The following AGPAT3 variants were observed in gnomAD, a reference collection of about 807,000 sequenced individuals.
AGPAT3 encodes the protein 1-acyl-sn-glycerol-3-phosphate acyltransferase gamma.
Under a neutral mutation model 47.3 loss-of-function variants are expected in AGPAT3, and 5 were observed. That is an observed-to-expected ratio of 0.11 (90% CI 0.06 to 0.22). AGPAT3 has a LOEUF of 0.22. Among genes scored for constraint, AGPAT3 ranks in the 10% least tolerant of loss-of-function variants. AGPAT3 has a pLI of 1.00. For missense variants in AGPAT3, 315 were observed against 493.0 expected, an observed-to-expected ratio of 0.64 and a Z score of 3.42; for synonymous variants, 212 against 208.3, an observed-to-expected ratio of 1.02 and a Z score of -0.15.
At chr21:43,946,781 G>T (rs2087910557) in intron 2 of AGPAT3, 1 of 152,334 alleles carries the variant, frequency 6.6e-6, no homozygotes, top group South Asian at 2.1e-4. Flanking sequence ...GTATGTGTGT[G>T]TGTGTACATG....
chr21:43,922,267 C>T lies in AGPAT3; in HGVS notation c.-49+18248C>T, dbSNP rs2146201644. On this transcript the variant is annotated intron_variant, in intron 2 of 9. Transcript: ENST00000291572. The surrounding 1 kb of genome is among the most constrained non-coding windows in gnomAD (Gnocchi z 4.9). ...AGGAGTGGATGTGACGGAGGAGGCT[C>T]CTGTTCTTGTGGGGGTGGCGAGGCG... Among the ~76,000 whole-genome samples the T allele has an allele frequency of 6.6e-6, 1 of 152,180 alleles. No homozygotes were observed. Among genetic ancestry groups the T allele is most frequent in the South Asian group, 2.1e-4 (1 of 4,810 alleles).
intron 2 of AGPAT3, among the ~76,000 whole-genome samples, chr21:43,904,328 G>T (rs2838427): frequency 0.11 from 16,071 of 152,194 alleles, 1,632 homozygotes; most frequent in African/African-American, 0.27. Context: ...GGGCTGAGGC[G>T]CCTACCAGGG....
chr21:43,953,424 G>A (rs982969106), intron 2 of AGPAT3, among the ~76,000 whole-genome samples: 4 of 152,184 alleles, frequency 2.6e-5, no homozygotes, highest in Non-Finnish European at 5.9e-5. Flanking sequence ...AGGGAGTGCC[G>A]TGACGTAGCC....
chr21:43,872,486 G>T (rs1031823523), intron 1 of AGPAT3, among the ~76,000 whole-genome samples: 4 of 152,094 alleles, frequency 2.6e-5, no homozygotes, highest in Non-Finnish European at 5.9e-5. Flanking sequence ...GGCCGTAAAT[G>T]GTGTTTTTTA....
At chr21:43,914,389 C>T (rs1421824513) in intron 2 of AGPAT3, among the ~76,000 whole-genome samples, 4 of 152,090 alleles carry the variant, frequency 2.6e-5, no homozygotes, top group Non-Finnish European at 4.4e-5. Context: ...ATAGTCTATT[C>T]TTATAGGATT....
intron 1 of AGPAT3, chr21:43,867,172 C>G (rs2085527033): frequency 6.6e-6 from 1 of 152,316 alleles, no homozygotes; most frequent in Non-Finnish European, 1.5e-5. Context: ...CCCATCCCCT[C>G]CGCACTTTGA....
At position 43,927,817 on chromosome 21, in the gene AGPAT3, G is replaced by A. The variant is rs369500996; in HGVS notation, c.-49+23798G>A. Among the ~76,000 whole-genome samples, 21 of 152,222 alleles carry A rather than the reference G, an allele frequency of 1.4e-4. 1 individual carries two copies. The highest frequency in any genetic ancestry group is 1.2e-3 in the East Asian group (6 of 5,188). On this transcript the variant is annotated intron_variant, in intron 2 of 9. Coordinates refer to ENST00000291572, the MANE Select transcript of AGPAT3 (RefSeq NM_020132.5). ...TAAGGTGTAAGGGCTTCCATGAGGA[G>A]CAAATGTGTGGGGCCACAGAGCTGC...
chr21:43,944,329 G>C (rs73906678), intron 2 of AGPAT3, among the ~76,000 whole-genome samples: 4,270 of 152,354 alleles, frequency 0.028, 198 homozygotes, highest in African/African-American at 0.097. Flanking sequence ...GGGGCCACAC[G>C]TCCCTCCCCC....
chr21:43,911,549 G>A (rs1032684460), intron 2 of AGPAT3, among the ~76,000 whole-genome samples: 13 of 152,224 alleles, frequency 8.5e-5, no homozygotes, highest in Non-Finnish European at 1.3e-4. Context: ...GGCAGACTTT[G>A]CCTCCTGCCT....
At chr21:43,888,941 A>G (rs1330640367) in intron 1 of AGPAT3, among the ~76,000 whole-genome samples, 1 of 151,942 alleles carries the variant, frequency 6.6e-6, no homozygotes, top group East Asian at 1.9e-4. Context: ...GTGAGCTTAG[A>G]TTGTGTCATT....
chr21:43,946,659 C>T (rs1238566010), intron 2 of AGPAT3, among the ~76,000 whole-genome samples: 1 of 151,612 alleles, frequency 6.6e-6, no homozygotes, highest in Admixed American at 6.6e-5. Context: ...AAGTATGCAG[C>T]AAATATCCAT....
In AGPAT3 at chr21:43,936,749, T is replaced by C. The variant is rs553184841; in HGVS notation, c.-48-22885T>C. 5.9e-5 allele frequency among the ~76,000 whole-genome samples: 9 copies of C among 152,316 alleles called. No homozygotes were observed. In the East Asian group the frequency reaches 1.7e-3, roughly 29 times the overall value. On this transcript the variant is annotated intron_variant, in intron 2 of 9. Coordinates refer to ENST00000291572, the MANE Select transcript of AGPAT3 (RefSeq NM_020132.5). The stretch of plus-strand genomic sequence containing the variant: ...GATGGAGGCGCAGAGGCCTAGTGCT[T>C]CTGAGTGGAGCCATGCCTGGCGCCA...
At chr21:43,900,745 C>T (rs2086330324) in intron 1 of AGPAT3, among the ~76,000 whole-genome samples, 1 of 152,192 alleles carries the variant, frequency 6.6e-6, no homozygotes, top group East Asian at 1.9e-4. Context: ...TCTGTGTGCT[C>T]AGTGGCCAGA....
intron 1 of AGPAT3, among the ~76,000 whole-genome samples, chr21:43,868,990 T>C (rs773865762): frequency 1.3e-5 from 2 of 152,190 alleles, no homozygotes; most frequent in Non-Finnish European, 2.9e-5. Flanking sequence ...TAAGATCCAA[T>C]AGATGAAAAT....
rs374536122 is a variant in AGPAT3, at chr21:43,881,000, G to A, written c.-112+15655G>A. On this transcript the variant is annotated intron_variant, in intron 1 of 9. Coordinates refer to ENST00000291572, the MANE Select transcript of AGPAT3 (RefSeq NM_020132.5). This position sits in a 1 kb window ranked among gnomAD's most constrained non-coding sequence, Gnocchi z 4.5. ...AGAGAAAATGAGAGAGAATGAATGA[G>A]AACAAATGTAAGAACTTTTTTTGGA... is the stretch of plus-strand genomic sequence containing the variant. 6.6e-6 allele frequency among the ~76,000 whole-genome samples: 1 copy of A among 152,032 alleles called. No individual in the cohort carries two copies. Among genetic ancestry groups the A allele is most frequent in the Non-Finnish European group, 1.5e-5 (1 of 68,000 alleles).
Position 43,970,867 on chromosome 21 carries a change from TTAAA to T in AGPAT3, c.664+62_664+65del. ...ATGCTCACGGAAAATAGTGATTTCT[TTAAA>T]AAAAAAAAAAATGAGTGCATTCCAT... On this transcript the variant is annotated intron_variant, in intron 6 of 9. Coordinates refer to ENST00000291572, the MANE Select transcript of AGPAT3 (RefSeq NM_020132.5). The surrounding 1 kb of genome is among the most constrained non-coding windows in gnomAD (Gnocchi z 5.8). The T allele has an allele frequency of 7.2e-7, 1 of 1,392,194 alleles. No individual in the cohort carries two copies. The highest frequency in any genetic ancestry group is 1.7e-5 in the South Asian group (1 of 60,442). The allele number at this position is 1,392,194 out of a possible 1,614,324, so 86.2% of individuals were successfully genotyped here. A position where few individuals can be genotyped will look rare whatever the true frequency, so the allele number is the denominator to read the frequency against.
Position 43,954,329 on chromosome 21 carries a change from C to G in AGPAT3, c.-48-5305C>G, listed in dbSNP as rs1220534990. Among the ~76,000 whole-genome samples the G allele has an allele frequency of 6.6e-6, 1 of 152,158 alleles. No homozygotes were observed. The highest frequency in any genetic ancestry group is 1.9e-4 in the East Asian group (1 of 5,194). The stretch of plus-strand genomic sequence containing the variant: ...GCGGGCTGGGTGTGGGGAGGTGGAA[C>G]AGGGTACCTGCGAGGTCTGTGAGTG... On this transcript the variant is annotated intron_variant, in intron 2 of 9. Coordinates refer to ENST00000291572, the MANE Select transcript of AGPAT3 (RefSeq NM_020132.5). The surrounding 1 kb of genome is among the most constrained non-coding windows in gnomAD (Gnocchi z 4.0).
intron 2 of AGPAT3, among the ~76,000 whole-genome samples, chr21:43,910,932 A>G (rs529849322): frequency 6.6e-6 from 1 of 152,332 alleles, no homozygotes; most frequent in Admixed American, 6.5e-5. Flanking sequence ...AAAGTAATAC[A>G]TGCCTATGAA....
chr21:43,909,456 C>T (rs1337190846), intron 2 of AGPAT3, among the ~76,000 whole-genome samples: 8 of 152,072 alleles, frequency 5.3e-5, no homozygotes, highest in East Asian at 3.9e-4. Flanking sequence ...CCACCATGCC[C>T]GGCTAATTTT....
Sources: allele counts gnomAD v4.1 joint callset (sites outside exome capture counted in the v4.1 genomes callset), GRCh38; gene constraint gnomAD v4.1.1; non-coding constraint Gnocchi (gnomAD v3.1); transcripts MANE v1.5; gene names NCBI Gene and HGNC (gene_info 2026-07-23, HGNC 2026-07-21).